Variants in UBE2G1 observed in about 807,000 individuals in gnomAD.
UBE2G1 encodes ubiquitin conjugating enzyme E2 G1, also known as ubiquitin-conjugating enzyme E2 G1.
Under a neutral mutation model 22.7 loss-of-function variants are expected in UBE2G1, and 5 were observed. That is an observed-to-expected ratio of 0.22 (90% confidence interval 0.12 to 0.46). The LOEUF (loss-of-function observed/expected upper bound fraction) is 0.46, where lower values mean the gene tolerates loss of function less well. Ranked by LOEUF, UBE2G1 falls within the 20% of genes least tolerant of loss-of-function variation. The pLI, the probability that UBE2G1 is intolerant of heterozygous loss-of-function variation, is 0.99. For missense variants in UBE2G1, 88 were observed against 203.9 expected, an observed-to-expected ratio of 0.43 and a Z score of 3.46; for synonymous variants, 74 against 67.5, an observed-to-expected ratio of 1.10 and a Z score of -0.47.
intron 1 of UBE2G1, among the ~76,000 whole-genome samples, chr17:4,356,691 G>A (rs1220247865): frequency 1.3e-5 from 2 of 152,160 alleles, no homozygotes; most frequent in Non-Finnish European, 2.9e-5. Context: ...AACACAGCAA[G>A]ACTTTGTCTC....
chr17:4,330,637 T>G (rs940318533), intron 1 of UBE2G1, among the ~76,000 whole-genome samples: 1 of 152,090 alleles, frequency 6.6e-6, no homozygotes, highest in Non-Finnish European at 1.5e-5. Flanking sequence ...CTTGGGAGGC[T>G]GAGGCAGGAG....
chr17:4,303,934 A>G (rs146937715), intron 2 of UBE2G1, among the ~76,000 whole-genome samples: 1 of 152,346 alleles, frequency 6.6e-6, no homozygotes, highest in East Asian at 1.9e-4. Context: ...ATGAAAGGAA[A>G]AGAGAGATAA....
chr17:4,300,184 G>C (rs775711375), intron 2 of UBE2G1, among the ~76,000 whole-genome samples: 1 of 151,832 alleles, frequency 6.6e-6, no homozygotes, highest in Non-Finnish European at 1.5e-5. Context: ...AAAACCCATA[G>C]AGTAGAATAA....
intron 2 of UBE2G1, chr17:4,302,067 T>C (rs1395663670): frequency 5.9e-6 from 3 of 509,504 alleles, no homozygotes; most frequent in Middle Eastern, 3.4e-4. Flanking sequence ...AGTTTTTACA[T>C]TAACTGATGT....
intron 2 of UBE2G1, among the ~76,000 whole-genome samples, chr17:4,306,167 G>A (rs1239576733): frequency 1.3e-5 from 2 of 152,196 alleles, no homozygotes; most frequent in African/African-American, 4.8e-5. Context: ...GACTCAAGTA[G>A]AGAACCATGA....
intron 1 of UBE2G1, among the ~76,000 whole-genome samples, chr17:4,348,439 G>A (rs1218061018): frequency 1.3e-5 from 2 of 149,262 alleles, no homozygotes; most frequent in East Asian, 2.0e-4. Flanking sequence ...TGTAGTCCCA[G>A]CTACTTGGGA....
intron 5 of UBE2G1, among the ~76,000 whole-genome samples, chr17:4,279,206 C>T (rs1040080610): frequency 6.4e-4 from 96 of 149,430 alleles, no homozygotes; most frequent in African/African-American, 2.3e-3. Flanking sequence ...ACCTGGGAGG[C>T]GGAGGTTGCA....
chr17:4,307,329 G>C (rs1282119155), intron 1 of UBE2G1, among the ~76,000 whole-genome samples: 2 of 152,154 alleles, frequency 1.3e-5, no homozygotes, highest in Non-Finnish European at 2.9e-5. Flanking sequence ...CTATCCAGAA[G>C]ATCAACTTCT....
intron 1 of UBE2G1, among the ~76,000 whole-genome samples, chr17:4,338,276 A>T (rs1214001171): frequency 1.3e-5 from 2 of 152,190 alleles, no homozygotes; most frequent in African/African-American, 4.8e-5. Flanking sequence ...GAAATTAGGG[A>T]CTGAAAAGGA....
At chr17:4,348,259 AAAG>A (rs1226984130) in intron 1 of UBE2G1, among the ~76,000 whole-genome samples, 2 of 152,206 alleles carry the variant, frequency 1.3e-5, no homozygotes, top group South Asian at 2.1e-4. Flanking sequence ...CCCTGTCTGT[AAAG>A]AAAAAAATAG....
At chr17:4,291,604 T>C (rs1291018152) in intron 3 of UBE2G1, among the ~76,000 whole-genome samples, 1 of 152,180 alleles carries the variant, frequency 6.6e-6, no homozygotes, top group Non-Finnish European at 1.5e-5. Context: ...GATCTTTACA[T>C]TTTTAACCTT....
chr17:4,281,026 G>A (rs371034452), intron 5 of UBE2G1, among the ~76,000 whole-genome samples: 7 of 152,058 alleles, frequency 4.6e-5, no homozygotes, highest in African/African-American at 1.2e-4. Flanking sequence ...TGAAATACGC[G>A]TACCCTTGAT....
At chr17:4,329,067 G>T (rs1031288442) in intron 1 of UBE2G1, among the ~76,000 whole-genome samples, 20 of 139,830 alleles carry the variant, frequency 1.4e-4, no homozygotes, top group African/African-American at 5.2e-4. Flanking sequence ...ATCGCGCCAT[G>T]CACTCCAGCC....
At chr17:4,275,877 G>A (rs1306527297) in intron 5 of UBE2G1, among the ~76,000 whole-genome samples, 1 of 152,108 alleles carries the variant, frequency 6.6e-6, no homozygotes, top group Non-Finnish European at 1.5e-5. Context: ...CCCCCACACT[G>A]GGACCGTGCT....
intron 1 of UBE2G1, among the ~76,000 whole-genome samples, chr17:4,349,410 G>A (rs945602135): frequency 1.8e-4 from 28 of 152,120 alleles, no homozygotes; most frequent in African/African-American, 6.8e-4. Flanking sequence ...GTCATAACTG[G>A]CTGCTGCTTG....
intron 5 of UBE2G1, among the ~76,000 whole-genome samples, chr17:4,277,792 C>A (rs1264378226): frequency 1.3e-5 from 2 of 152,118 alleles, no homozygotes; most frequent in African/African-American, 2.4e-5. Flanking sequence ...ACTGAAAACA[C>A]AAAAAATACT....
At chr17:4,343,879 G>T (rs1015943912) in intron 1 of UBE2G1, among the ~76,000 whole-genome samples, 2 of 152,026 alleles carry the variant, frequency 1.3e-5, no homozygotes, top group Admixed American at 1.3e-4. Flanking sequence ...GAGCCACCGC[G>T]CCCAGCCTCA....
chr17:4,286,960 G>A (rs957795068), intron 4 of UBE2G1, among the ~76,000 whole-genome samples: 3 of 152,072 alleles, frequency 2.0e-5, no homozygotes, highest in African/African-American at 4.8e-5. Flanking sequence ...CAGGAGAATC[G>A]ATTGAACACA....
Position 4,366,639 on chromosome 17 carries a change from T to G in UBE2G1, c.-323A>C. On this transcript the variant is annotated 5_prime_UTR_variant, in exon 1 of 6. Coordinates refer to ENST00000396981, the MANE Select transcript of UBE2G1 (RefSeq NM_003342.5). ...GTGCCTTCCCCCGCCACTGCCTCACTGCGCGCAGGGCCGCTCGGCGCAGGC... is the reference window on the plus strand; with the variant it reads ...GTGCCTTCCCCCGCCACTGCCTCACGGCGCGCAGGGCCGCTCGGCGCAGGC... The G allele has an allele frequency of 3.7e-6, 1 of 271,054 alleles. No homozygotes were observed. The highest frequency in any genetic ancestry group is 7.0e-6 in the Non-Finnish European group (1 of 142,952). The allele number at this position is 271,054 out of a possible 1,614,324, so 16.8% of individuals were successfully genotyped here.
Sources: allele counts gnomAD v4.1 joint callset (sites outside exome capture counted in the v4.1 genomes callset), GRCh38; gene constraint gnomAD v4.1.1; transcripts MANE v1.5; gene names NCBI Gene and HGNC (gene_info 2026-07-23, HGNC 2026-07-21).